Variants in SERINC3 observed in about 807,000 individuals in gnomAD.
The protein encoded by SERINC3 is serine incorporator 3.
In SERINC3, 22 loss-of-function variants were observed where a neutral mutation model predicts 52.1. The ratio of observed to expected loss-of-function variants is 0.42; its 90% confidence interval spans 0.30 to 0.60. The LOEUF (loss-of-function observed/expected upper bound fraction) is 0.60, where lower values mean the gene tolerates loss of function less well. Among genes scored for constraint, SERINC3 ranks in the 20% least tolerant of loss-of-function variants. The pLI, the probability that SERINC3 is intolerant of heterozygous loss-of-function variation, is 0.16. For synonymous variants in SERINC3, 226 were observed against 212.7 expected, an observed-to-expected ratio of 1.06 and a Z score of -0.54; for missense variants, 564 against 584.6, an observed-to-expected ratio of 0.96 and a Z score of 0.36.
intron 1 of SERINC3, chr20:44,519,277 A>C (rs1355562144): frequency 5.8e-6 from 1 of 172,170 alleles, no homozygotes; most frequent in Non-Finnish European, 1.2e-5. Context: ...ATATAACTTA[A>C]GAGTAAAAGC....
chr20:44,518,035 C>T (rs1319437721), intron 1 of SERINC3, among the ~76,000 whole-genome samples: 2 of 152,120 alleles, frequency 1.3e-5, no homozygotes, highest in Non-Finnish European at 2.9e-5. Flanking sequence ...TCAGCTCTAC[C>T]CTTAAAATAT....
intron 1 of SERINC3, among the ~76,000 whole-genome samples, chr20:44,514,461 T>C (rs2064367373): frequency 2.0e-5 from 3 of 152,190 alleles, no homozygotes; most frequent in Non-Finnish European, 4.4e-5. Context: ...AAGCTGATAT[T>C]ACAACATAAA....
chr20:44,513,430 G>A (rs898977789), intron 2 of SERINC3, among the ~76,000 whole-genome samples: 1 of 152,156 alleles, frequency 6.6e-6, no homozygotes, highest in Non-Finnish European at 1.5e-5. Flanking sequence ...AGGTTGCAGT[G>A]AGCCAAGATC....
chr20:44,516,555 T>C (rs954620181), intron 1 of SERINC3, among the ~76,000 whole-genome samples: 1 of 151,822 alleles, frequency 6.6e-6, no homozygotes, highest in Non-Finnish European at 1.5e-5. Flanking sequence ...CGTGCCACCA[T>C]GCTCAGCTAA....
chr20:44,503,833 A>G lies in SERINC3; in HGVS notation c.1037T>C (p.Leu346Pro). ...AACTTACCTAGAATACAAGAGGCAG[A>G]GAACAAAGACAAACAGTCCAATAAA... ...DNFIGLFVFV[L>P]CLLYSSIRTS... Residue 346 changes from leucine to proline, a missense_variant, in exon 8 of 10, where the codon CTC (leucine) becomes CCC (proline). Leu to Pro is a moderately conservative substitution (Grantham distance 98). Transcript: ENST00000342374. 1 of 1,562,442 alleles carries G rather than the reference A, an allele frequency of 6.4e-7. No individual in the cohort carries two copies. The highest frequency in any genetic ancestry group is 8.6e-7 in the Non-Finnish European group (1 of 1,162,280).
At position 44,500,246 on chromosome 20, in the gene SERINC3, G is replaced by C; in HGVS notation, c.*50C>G. ...AAACTTAAAAGGTATATGGGTTTTC[G>C]GTGAAGGAGACCTTTGTGAGTTCCA... On this transcript the variant is annotated 3_prime_UTR_variant, in exon 10 of 10. Coordinates refer to ENST00000342374, the MANE Select transcript of SERINC3 (RefSeq NM_006811.4). 6.4e-7 allele frequency: 1 copy of C among 1,573,172 alleles called. No homozygotes were observed. Among genetic ancestry groups the C allele is most frequent in the Non-Finnish European group, 8.6e-7 (1 of 1,156,360 alleles).
At position 44,506,866 on chromosome 20, in the gene SERINC3, G is replaced by A. The variant is rs751726597; in HGVS notation, c.744C>T (p.Cys248=). 5.6e-6 allele frequency: 9 copies of A among 1,599,502 alleles called. No homozygotes were observed. The highest frequency in any genetic ancestry group is 2.3e-5 in the East Asian group (1 of 44,362). ...GGATCGATATAATAGAAGCCACAAC[G>A]CAAAGGATCAGGTTAATACTGATGA... ...KFFISINLIL[C]VVASIISIHP... The change falls in exon 6 of 10, where the codon TGC becomes TGT. Residue 248 remains cysteine (C), a synonymous_variant. Coordinates refer to ENST00000342374, the MANE Select transcript of SERINC3 (RefSeq NM_006811.4).
intron 8 of SERINC3, among the ~76,000 whole-genome samples, chr20:44,502,478 G>A (rs1046031354): frequency 6.6e-6 from 1 of 151,686 alleles, no homozygotes; most frequent in Non-Finnish European, 1.5e-5. Context: ...AGCTACTCAG[G>A]AGGCTGAGGT....
chr20:44,511,380 TA>T lies in SERINC3; in HGVS notation c.396-13del, dbSNP rs767417274. 5.2e-5 allele frequency: 82 copies of T among 1,568,394 alleles called. No homozygotes were observed. In the African/African-American group the frequency reaches 8.7e-4, roughly 17 times the overall value. On this transcript the variant is annotated splice_polypyrimidine_tract_variant and intron_variant, in intron 3 of 9. Coordinates refer to ENST00000342374, the MANE Select transcript of SERINC3 (RefSeq NM_006811.4). ...TGAAGAACCAAAACCTATTAAAATA[TA>T]AAAATGCATTTATGAAATGCTAAGT...
intron 1 of SERINC3, among the ~76,000 whole-genome samples, chr20:44,518,532 G>A (rs2064395157): frequency 6.6e-6 from 1 of 152,200 alleles, no homozygotes; most frequent in South Asian, 2.1e-4. Flanking sequence ...AAGCTGGAAA[G>A]ACCCACCATA....
intron 5 of SERINC3, among the ~76,000 whole-genome samples, 196 bp downstream of exon 5, chr20:44,509,695 A>T (rs978966601): frequency 2.0e-5 from 3 of 150,194 alleles, no homozygotes; most frequent in African/African-American, 2.4e-5. Context: ...TGCCTGGCAA[A>T]TTTTTTTTTT....
At chr20:44,507,472 T>C (rs2064321913) in intron 5 of SERINC3, among the ~76,000 whole-genome samples, 1 of 152,204 alleles carries the variant, frequency 6.6e-6, no homozygotes. Flanking sequence ...TAAATCCATT[T>C]CCCATCACAA....
intron 1 of SERINC3, among the ~76,000 whole-genome samples, chr20:44,515,676 AG>A (rs2064376009): frequency 6.6e-6 from 1 of 150,706 alleles, no homozygotes; most frequent in Non-Finnish European, 1.5e-5. Context: ...TTTTTGAGAC[AG>A]TCTCACTCTG....
intron 1 of SERINC3, among the ~76,000 whole-genome samples, chr20:44,521,323 C>G (rs1369112558): frequency 6.6e-6 from 1 of 152,214 alleles, no homozygotes; most frequent in Non-Finnish European, 1.5e-5. Context: ...CACAATCGTT[C>G]TCGAAGAGAG....
At chr20:44,517,274 T>C (rs1236085336) in intron 1 of SERINC3, among the ~76,000 whole-genome samples, 2 of 152,196 alleles carry the variant, frequency 1.3e-5, no homozygotes, top group Non-Finnish European at 2.9e-5. Context: ...CAATGGGAAA[T>C]TGACCAGCCA....
At chr20:44,507,274 A>C (rs1245643759) in intron 5 of SERINC3, among the ~76,000 whole-genome samples, 2 of 152,216 alleles carry the variant, frequency 1.3e-5, no homozygotes, top group African/African-American at 2.4e-5. Context: ...TTCCAGCTAG[A>C]GTTTACTGCT....
At chr20:44,501,443 T>C (rs2064279383) in intron 8 of SERINC3, 143 bp from the exon 9 acceptor site, 2 of 657,998 alleles carry the variant, frequency 3.0e-6, no homozygotes, top group Non-Finnish European at 5.3e-6. Flanking sequence ...CTTAAAGTTC[T>C]GAACTGCTGC....
chr20:44,508,693 T>C (rs1308393054), intron 5 of SERINC3, among the ~76,000 whole-genome samples: 3 of 152,122 alleles, frequency 2.0e-5, no homozygotes, highest in Non-Finnish European at 2.9e-5. Context: ...GAGTAAGACA[T>C]ACCTACACTC....
chr20:44,508,930 T>C (rs1053246632), intron 5 of SERINC3, among the ~76,000 whole-genome samples: 1 of 152,232 alleles, frequency 6.6e-6, no homozygotes, highest in Non-Finnish European at 1.5e-5. Context: ...ATGGTAAACA[T>C]AGTATTTTTA....
Sources: gnomAD v4.1 joint callset for allele counts (sites outside exome capture counted in the v4.1 genomes callset) on GRCh38, gnomAD v4.1.1 for gene constraint, MANE v1.5 for transcripts, NCBI Gene and HGNC (gene_info 2026-07-23, HGNC 2026-07-21) for gene names.